Variants in DLG2 observed in about 807,000 individuals in gnomAD.
The protein encoded by DLG2 is discs large MAGUK scaffold protein 2, also known as disks large homolog 2.
DLG2 carries 45 observed loss-of-function variants against 132.5 expected under a neutral mutation model. That is an observed-to-expected ratio of 0.34 (90% confidence interval 0.27 to 0.44). The LOEUF is 0.44. Among genes scored for constraint, DLG2 ranks in the 20% least tolerant of loss-of-function variants. The pLI is 1.00. For synonymous variants in DLG2, 424 were observed against 419.6 expected (o/e 1.01, Z -0.13); for missense variants, 1,045 against 1,196.9 (o/e 0.87, Z 1.87).
chr11:83,940,714 A>G (rs1037175259), intron 14 of DLG2, among the ~76,000 whole-genome samples: 1 of 152,202 alleles, frequency 6.6e-6, no homozygotes, highest in African/African-American at 2.4e-5. Flanking sequence ...GGACAGAGGA[A>G]ACAAACTGTG....
intron 6 of DLG2, among the ~76,000 whole-genome samples, chr11:84,890,564 G>A (rs1339242150): frequency 6.6e-6 from 1 of 152,114 alleles, no homozygotes; most frequent in Non-Finnish European, 1.5e-5. Flanking sequence ...TTCTTCCCAA[G>A]TCCTGAATAT....
intron 10 of DLG2, among the ~76,000 whole-genome samples, chr11:84,083,099 G>T (rs756546782): frequency 6.6e-6 from 1 of 152,022 alleles, no homozygotes; most frequent in Non-Finnish European, 1.5e-5. Flanking sequence ...GGCTAACATG[G>T]TAAAACCCCA....
intron 3 of DLG2, among the ~76,000 whole-genome samples, chr11:85,286,323 T>C (rs1412721255): frequency 1.3e-5 from 2 of 152,098 alleles, no homozygotes; most frequent in East Asian, 1.9e-4. Context: ...AAGGTTAAAA[T>C]GATTCATATG....
At chr11:84,610,044 T>C (rs2099592651) in intron 6 of DLG2, among the ~76,000 whole-genome samples, 1 of 152,182 alleles carries the variant, frequency 6.6e-6, no homozygotes. Context: ...CTAAGATACA[T>C]ATGTAGGGAT....
chr11:84,463,707 G>A (rs2099086506), intron 7 of DLG2, among the ~76,000 whole-genome samples: 2 of 151,218 alleles, frequency 1.3e-5, no homozygotes, highest in South Asian at 2.1e-4. Context: ...AGGGTCTATC[G>A]TGTTTGATGT....
At chr11:85,542,893 G>C (rs2076064233) in intron 3 of DLG2, among the ~76,000 whole-genome samples, 1 of 152,216 alleles carries the variant, frequency 6.6e-6, no homozygotes, top group Admixed American at 6.5e-5. Context: ...ATGTGTTTAT[G>C]TGTGTGTGGA....
intron 3 of DLG2, among the ~76,000 whole-genome samples, chr11:85,457,485 G>A (rs923322309): frequency 8.5e-5 from 13 of 152,102 alleles, no homozygotes; most frequent in South Asian, 2.1e-4. Context: ...TCATCATATC[G>A]TTAGCTGGTT....
intron 21 of DLG2, among the ~76,000 whole-genome samples, chr11:83,523,098 TA>T (rs1403243691): frequency 6.6e-6 from 1 of 152,170 alleles, no homozygotes; most frequent in Admixed American, 6.5e-5. Context: ...TTGAGATAGT[TA>T]AAAACTTTTG....
chr11:83,973,131 ATATTTC>A (rs1399494653), intron 12 of DLG2, among the ~76,000 whole-genome samples: 6 of 152,166 alleles, frequency 3.9e-5, no homozygotes, highest in South Asian at 2.1e-4. Flanking sequence ...ATGGATATTT[ATATTTC>A]TATTTCCATT....
intron 8 of DLG2, among the ~76,000 whole-genome samples, chr11:84,169,950 C>G (rs2095781360): frequency 6.6e-6 from 1 of 152,040 alleles, no homozygotes; most frequent in Non-Finnish European, 1.5e-5. Context: ...AAAATATTCC[C>G]TTGCCCAGTA....
chr11:83,918,036 GA>G (rs1182292699), intron 15 of DLG2, among the ~76,000 whole-genome samples: 3 of 152,158 alleles, frequency 2.0e-5, no homozygotes, highest in Non-Finnish European at 4.4e-5. Context: ...GGTAGGGTCT[GA>G]AAACAGTAAT....
intron 3 of DLG2, among the ~76,000 whole-genome samples, chr11:85,509,076 T>C (rs1462147815): frequency 8.5e-5 from 13 of 152,088 alleles, no homozygotes; most frequent in Admixed American, 8.5e-4. Flanking sequence ...AAATATTTAC[T>C]ACATATTACT....
chr11:85,197,589 T>C (rs1305051771), intron 4 of DLG2, among the ~76,000 whole-genome samples: 1 of 152,180 alleles, frequency 6.6e-6, no homozygotes, highest in African/African-American at 2.4e-5. Context: ...TTTAAACTTA[T>C]TGAGTTTACT....
chr11:83,616,595 C>T lies in DLG2; in HGVS notation c.1940+16616G>A, dbSNP rs577677539. ...TGGATTACAAATATCTTTTCCTGTGCTCTGTCTTGCCCCATTCTCTTCATG... is the reference window on the plus strand; with the variant it reads ...TGGATTACAAATATCTTTTCCTGTGTTCTGTCTTGCCCCATTCTCTTCATG... On this transcript the variant is annotated intron_variant, in intron 19 of 27. Transcript: ENST00000376104. Among the ~76,000 whole-genome samples the T allele has an allele frequency of 3.3e-5, 5 of 152,016 alleles. No homozygotes were observed. In the South Asian group the frequency reaches 8.3e-4, roughly 25 times the overall value.
At chr11:84,239,137 AC>A (rs1460969847) in intron 8 of DLG2, among the ~76,000 whole-genome samples, 2 of 152,126 alleles carry the variant, frequency 1.3e-5, no homozygotes, top group Non-Finnish European at 2.9e-5. Flanking sequence ...AAATCCCACT[AC>A]ATGCATGGAC....
rs939654489 is a variant in DLG2 at position 84,108,149 on chromosome 11, C to T, written c.625-9102G>A. Among the ~76,000 whole-genome samples, 29 of 151,852 alleles carry T rather than the reference C, an allele frequency of 1.9e-4. 1 individual carries two copies. The highest frequency in any genetic ancestry group is 1.6e-3 in the Admixed American group (24 of 15,220). On this transcript the variant is annotated intron_variant, in intron 9 of 27. Coordinates refer to ENST00000376104, the MANE Select transcript of DLG2 (RefSeq NM_001142699.3). The stretch of plus-strand genomic sequence containing the variant: ...AGAAGAGGGTGAAAAGATGGAGATA[C>T]GATAAGGTGAAAACATAGATTTATG...
chr11:84,064,352 T>A (rs2096639168), intron 10 of DLG2, among the ~76,000 whole-genome samples: 1 of 152,178 alleles, frequency 6.6e-6, no homozygotes, highest in South Asian at 2.1e-4. Context: ...ATTTCTACTT[T>A]TATGTTTCTT....
At chr11:85,624,595 G>A (rs2081939535) in intron 2 of DLG2, among the ~76,000 whole-genome samples, 1 of 152,160 alleles carries the variant, frequency 6.6e-6, no homozygotes, top group Non-Finnish European at 1.5e-5. Context: ...TATATAAACA[G>A]TAGAGATAGT....
intron 18 of DLG2, among the ~76,000 whole-genome samples, chr11:83,783,041 G>T (rs2094901442): frequency 2.6e-5 from 4 of 152,096 alleles, no homozygotes; most frequent in Admixed American, 1.3e-4. Flanking sequence ...CCTCTTGAAA[G>T]AAAGAAAAAC....
Sources: gnomAD v4.1 joint callset for allele counts (sites outside exome capture counted in the v4.1 genomes callset) on GRCh38, gnomAD v4.1.1 for gene constraint, MANE v1.5 for transcripts, NCBI Gene and HGNC (gene_info 2026-07-23, HGNC 2026-07-21) for gene names.